The following CHMP7 variants were observed in gnomAD, a reference collection of about 807,000 sequenced individuals.
CHMP7 encodes CHMP family, member 7.
CHMP7 carries 15 observed loss-of-function variants against 53.7 expected under a neutral mutation model. The observed-to-expected ratio is 0.28, with a 90% CI of 0.19 to 0.43. CHMP7 has a LOEUF of 0.43. Among genes scored for constraint, CHMP7 ranks in the 20% least tolerant of loss-of-function variants. CHMP7 has a pLI of 1.00. For missense variants in CHMP7, 527 were observed against 569.4 expected (o/e 0.93, Z 0.76); for synonymous variants, 261 against 228.0 (o/e 1.14, Z -1.30).
intron 1 of CHMP7, 49 bp from the exon 2 acceptor site, chr8:23,246,207 C>G (rs1801675840): frequency 6.5e-6 from 1 of 152,920 alleles, no homozygotes; most frequent in Non-Finnish European, 1.5e-5. Context: ...TTAGATCTTT[C>G]TTCTTTTCTG....
At chr8:23,247,556 A>G (rs766024909) in intron 2 of CHMP7, among the ~76,000 whole-genome samples, 1 of 152,190 alleles carries the variant, frequency 6.6e-6, no homozygotes. Context: ...AAAGGTCTGT[A>G]GGAGATACGT....
At chr8:23,258,175 G>A (rs569940134) in intron 6 of CHMP7, 94 bp downstream of exon 6, 8 of 1,433,682 alleles carry the variant, frequency 5.6e-6, no homozygotes, top group South Asian at 1.2e-5. Context: ...GGGGTTTTGA[G>A]GGGGGTAGAG....
intron 3 of CHMP7, chr8:23,252,520 A>G (rs773703222): frequency 6.6e-5 from 10 of 152,092 alleles, no homozygotes; most frequent in Non-Finnish European, 1.2e-4. Context: ...TGTATTCTTT[A>G]TGTGTTAGAG....
chr8:23,259,307 T>C (rs1802284416), intron 9 of CHMP7, among the ~76,000 whole-genome samples, 181 bp downstream of exon 9: 4 of 149,734 alleles, frequency 2.7e-5, no homozygotes, highest in Admixed American at 2.0e-4. Flanking sequence ...TAGCTGGGAC[T>C]ACAGGCGCCT....
At position 23,246,706 on chromosome 8, in the gene CHMP7, C is replaced by T. The variant is rs772778321; in HGVS notation, c.11C>T (p.Pro4Leu). MWS[P>L]EREAEAPAGG... ...GGGGCTGGGGTTCCGATGTGGTCCC[C>T]GGAGCGGGAGGCCGAGGCCCCAGCC... is the stretch of plus-strand genomic sequence containing the variant. The change falls in exon 2 of 11, where the codon CCG becomes CTG. Residue 4 changes from proline to leucine, a missense_variant. By Grantham distance (98) the Pro-to-Leu change is moderately conservative. Coordinates refer to ENST00000397677, the MANE Select transcript of CHMP7 (RefSeq NM_152272.5). 3 of 1,548,558 alleles carry T rather than the reference C, an allele frequency of 1.9e-6. No individual in the cohort carries two copies. The highest frequency in any genetic ancestry group is 2.4e-5 in the East Asian group (1 of 40,900).
At chr8:23,259,003 C>G in intron 8 of CHMP7, 63 bp from the exon 9 acceptor site, 1 of 1,195,588 alleles carries the variant, frequency 8.4e-7, no homozygotes, top group Admixed American at 1.7e-5. Flanking sequence ...ATATTTTCCA[C>G]CAAAGACTGA....
At chr8:23,249,148 A>C in intron 2 of CHMP7, 62 bp from the exon 3 acceptor site, 4 of 1,382,124 alleles carry the variant, frequency 2.9e-6, no homozygotes, top group Non-Finnish European at 3.9e-6. Context: ...AGGGGGAGCT[A>C]GAGACTGGAA....
At chr8:23,256,690 G>GGTTT in intron 5 of CHMP7, 97 bp downstream of exon 5, 2 of 588,640 alleles carry the variant, frequency 3.4e-6, no homozygotes, top group Non-Finnish European at 5.3e-6. Context: ...AAATAGGTGG[G>GGTTT]TTTTTTTTTT....
At chr8:23,250,620 CTGTGTGTGTGTGTGTGTGTGTG>C (rs59970101) in intron 3 of CHMP7, among the ~76,000 whole-genome samples, 3 of 143,298 alleles carry the variant, frequency 2.1e-5, no homozygotes, top group Non-Finnish European at 3.0e-5. Flanking sequence ...TGATAGGGGC[CTGTGTGTGTGTGTGTGTGTGTG>C]TGTGTGTGTG....
At chr8:23,257,386 G>C (rs1054282610) in intron 5 of CHMP7, among the ~76,000 whole-genome samples, 5 of 152,204 alleles carry the variant, frequency 3.3e-5, no homozygotes, top group African/African-American at 1.2e-4. Flanking sequence ...GTGAGCCACT[G>C]TGCCCAGCTG....
chr8:23,250,809 G>A (rs943820529), intron 3 of CHMP7, among the ~76,000 whole-genome samples: 4 of 152,050 alleles, frequency 2.6e-5, no homozygotes, highest in Non-Finnish European at 4.4e-5. Context: ...GCCTCACCCC[G>A]GGAGAAGCAC....
rs766177063 is a variant in CHMP7, at chr8:23,246,656, C to A, written c.-40C>A. 1.9e-5 allele frequency: 29 copies of A among 1,525,770 alleles called. No individual in the cohort carries two copies. The highest frequency in any genetic ancestry group is 4.9e-5 in the South Asian group (4 of 82,374). 94.5% of individuals were successfully genotyped at this position (1,525,770 alleles called of 1,614,324 possible). A position where few individuals can be genotyped will look rare whatever the true frequency, so the allele number is the denominator to read the frequency against. Reference sequence around the variant, plus strand: ...GAACGAGGGCGGAAGCGGACCAGGGCCAGGCTTGTGTTCGCAGCCTTGCCG... The same window carrying A: ...GAACGAGGGCGGAAGCGGACCAGGGACAGGCTTGTGTTCGCAGCCTTGCCG... On this transcript the variant is annotated 5_prime_UTR_variant, in exon 2 of 11. Coordinates refer to ENST00000397677, the MANE Select transcript of CHMP7 (RefSeq NM_152272.5).
intron 3 of CHMP7, 44 bp downstream of exon 3, chr8:23,249,425 C>T (rs1297410339): frequency 3.4e-6 from 5 of 1,480,622 alleles, no homozygotes; most frequent in Non-Finnish European, 4.5e-6. Flanking sequence ...CTGGTGTGAT[C>T]ACAGCATCCT....
chr8:23,260,160 A>T lies in CHMP7; in HGVS notation c.1137A>T (p.Glu379Asp), dbSNP rs1418821050. 3.7e-6 allele frequency: 6 copies of T among 1,613,860 alleles called. No homozygotes were observed. The highest frequency in any genetic ancestry group is 5.1e-6 in the Non-Finnish European group (6 of 1,179,886). Residue 379 changes from glutamate to aspartate, a missense_variant, in exon 10 of 11, where the codon GAA becomes GAT. By Grantham distance (45) the Glu-to-Asp change is conservative. Coordinates refer to ENST00000397677, the MANE Select transcript of CHMP7 (RefSeq NM_152272.5). ...VTNGLDFDSEELEKELDILLQ... is the reference protein window; with the variant it reads ...VTNGLDFDSEDLEKELDILLQ... ...TCTTTCCAGATTTTGACAGTGAAGA[A>T]CTGGAGAAGGAATTGGACATCCTCC...
rs1236048017 is a variant in CHMP7 at position 23,260,266 on chromosome 8, A to C, written c.1243A>C (p.Arg415=). ...RHFTNSVPNP[R]ISDAELEAEL... is the part of the protein sequence containing the mutation. ...TTTTACCAACAGCGTGCCTAACCCT[A>C]GGATCTCAGATGCTGAACTTGAAGC... Residue 415 remains arginine, a synonymous_variant, in exon 10 of 11, where the codon AGG becomes CGG. Coordinates refer to ENST00000397677, the MANE Select transcript of CHMP7 (RefSeq NM_152272.5). 1 of 1,614,136 alleles carries C rather than the reference A, an allele frequency of 6.2e-7. No homozygotes were observed. Among genetic ancestry groups the C allele is most frequent in the Middle Eastern group, 1.6e-4 (1 of 6,062 alleles).
chr8:23,255,052 A>T, intron 3 of CHMP7, 195 bp from the exon 4 acceptor site: 1 of 612,968 alleles, frequency 1.6e-6, no homozygotes, highest in Non-Finnish European at 2.9e-6. Context: ...TTTCATGTGG[A>T]GTCACCAAAC....
intron 1 of CHMP7, among the ~76,000 whole-genome samples, chr8:23,245,689 C>G (rs1449413403): frequency 9.4e-6 from 1 of 105,842 alleles, no homozygotes; most frequent in African/African-American, 2.8e-5. Flanking sequence ...AGAGATGGCA[C>G]AGAACTGGTA....
chr8:23,254,037 A>G (rs1480338688), intron 3 of CHMP7, among the ~76,000 whole-genome samples: 2 of 152,100 alleles, frequency 1.3e-5, no homozygotes, highest in African/African-American at 4.8e-5. Context: ...ATAATATAGG[A>G]GTGCTTCTCC....
At chr8:23,250,528 C>G (rs2128857636) in intron 3 of CHMP7, among the ~76,000 whole-genome samples, 1 of 152,186 alleles carries the variant, frequency 6.6e-6, no homozygotes, top group African/African-American at 2.4e-5. Flanking sequence ...TTTGTGTCAC[C>G]ACTTCCTACC....
Sources: gnomAD v4.1 joint callset for allele counts (sites outside exome capture counted in the v4.1 genomes callset) on GRCh38, gnomAD v4.1.1 for gene constraint, MANE v1.5 for transcripts, NCBI Gene and HGNC (gene_info 2026-07-23, HGNC 2026-07-21) for gene names.